The following NFIB variants were observed in gnomAD, a reference collection of about 807,000 sequenced individuals.
The protein encoded by NFIB is nuclear factor 1 B-type.
Under a neutral mutation model 61.5 loss-of-function variants are expected in NFIB, and 11 were observed. The ratio of observed to expected loss-of-function variants is 0.18; its 90% CI spans 0.11 to 0.30. The LOEUF (loss-of-function observed/expected upper bound fraction) is 0.30. NFIB is among the 10% of genes least tolerant of loss of function. The probability of loss-of-function intolerance (pLI) is 1.00; values close to 1 mark genes in which losing one functional copy is unlikely to be tolerated. For synonymous variants in NFIB, 260 were observed against 216.5 expected (o/e 1.20, Z -1.76); for missense variants, 471 against 608.9 (o/e 0.77, Z 2.38).
chr9:14,139,291 C>A (rs1030757116), intron 6 of NFIB, among the ~76,000 whole-genome samples: 7 of 152,144 alleles, frequency 4.6e-5, no homozygotes, highest in Non-Finnish European at 8.8e-5. Flanking sequence ...AATTTGTGAT[C>A]TGTACCTGAA....
At chr9:14,428,456 T>C in the NFIB span, among the ~76,000 whole-genome samples, 11 of 152,080 alleles carry the variant, frequency 7.2e-5, no homozygotes, top group African/African-American at 2.4e-4. Context: ...AGTTCCCTTA[T>C]GTTTTGGAGA....
chr9:14,438,415 G>T, the NFIB span, among the ~76,000 whole-genome samples: 1 of 152,096 alleles, frequency 6.6e-6, no homozygotes, highest in Admixed American at 6.5e-5. Context: ...AGAGAACAAC[G>T]CATTATTTTC....
chr9:14,120,058 T>G lies in NFIB; in HGVS notation c.1245+382A>C, dbSNP rs1300778736. On this transcript the variant is annotated intron_variant, in intron 8 of 10. Coordinates refer to ENST00000380953, the MANE Select transcript of NFIB (RefSeq NM_001190737.2). This position sits in a 1 kb window ranked among gnomAD's most constrained non-coding sequence, Gnocchi z 4.4. Reference sequence around the variant, plus strand: ...ATAAATACAACTGTAAGTTCTTTTGTGTGTGTTTATTTTAGCACATACCTT... The same window carrying G: ...ATAAATACAACTGTAAGTTCTTTTGGGTGTGTTTATTTTAGCACATACCTT... Among the ~76,000 whole-genome samples the G allele has an allele frequency of 1.3e-5, 2 of 152,190 alleles. No homozygotes were observed. Among genetic ancestry groups the G allele is most frequent in the Admixed American group, 6.5e-5 (1 of 15,276 alleles).
At chr9:14,376,161 A>C (rs1304258911) in intron 1 of NFIB, among the ~76,000 whole-genome samples, 2 of 152,206 alleles carry the variant, frequency 1.3e-5, no homozygotes, top group Non-Finnish European at 2.9e-5. Flanking sequence ...CCTGGGCTCA[A>C]GTGATCCTCC....
At chr9:14,340,861 A>T (rs1264882698) in intron 1 of NFIB, among the ~76,000 whole-genome samples, 1 of 152,198 alleles carries the variant, frequency 6.6e-6, no homozygotes, top group South Asian at 2.1e-4. Context: ...CTTAGTATAA[A>T]AACTGGCCTA....
chr9:14,405,870 G>A, the NFIB span, among the ~76,000 whole-genome samples: 1 of 152,144 alleles, frequency 6.6e-6, no homozygotes, highest in African/African-American at 2.4e-5. Context: ...ATATAAATCA[G>A]GCCTAAGAAC....
chr9:14,442,847 T>C, the NFIB span, among the ~76,000 whole-genome samples: 11 of 152,172 alleles, frequency 7.2e-5, no homozygotes, highest in African/African-American at 2.7e-4. Context: ...CTATTTTTAT[T>C]AGTAACAACG....
chr9:14,196,311 C>T (rs2048463306), intron 2 of NFIB, among the ~76,000 whole-genome samples: 1 of 152,144 alleles, frequency 6.6e-6, no homozygotes, highest in East Asian at 1.9e-4. Flanking sequence ...CACTCTAGAA[C>T]TTTGAAAATC....
intron 3 of NFIB, among the ~76,000 whole-genome samples, chr9:14,159,599 A>G (rs1587149293): frequency 6.6e-6 from 1 of 152,342 alleles, no homozygotes; most frequent in East Asian, 1.9e-4. Context: ...TAGCCTTTGT[A>G]ACGGACAGGC....
Position 14,295,518 on chromosome 9 carries a change from C to T in NFIB, c.562+11471G>A, listed in dbSNP as rs2132589817. Among the ~76,000 whole-genome samples, 3 of 152,172 alleles carry T rather than the reference C, an allele frequency of 2.0e-5. 1 individual carries two copies. In the South Asian group the frequency reaches 6.2e-4, roughly 32 times the overall value. On this transcript the variant is annotated intron_variant, in intron 2 of 10. Transcript: ENST00000380953. Reference sequence around the variant, plus strand: ...TGGGGAAGGGCGCCTGTAGTCCCAGCTACTCGGCAAGCTGAGGCAGGAGAA... The same window carrying T: ...TGGGGAAGGGCGCCTGTAGTCCCAGTTACTCGGCAAGCTGAGGCAGGAGAA...
At chr9:14,491,473 G>C in the NFIB span, among the ~76,000 whole-genome samples, 1 of 152,156 alleles carries the variant, frequency 6.6e-6, no homozygotes, top group African/African-American at 2.4e-5. Flanking sequence ...CCATTCTGGG[G>C]CAGAGAATGT....
intron 2 of NFIB, among the ~76,000 whole-genome samples, chr9:14,217,663 A>T (rs1279551510): frequency 1.3e-4 from 2 of 15,528 alleles, no homozygotes; most frequent in African/African-American, 5.3e-4. Flanking sequence ...TCCATCTCAA[A>T]AAAAAAAAAA....
intron 2 of NFIB, among the ~76,000 whole-genome samples, chr9:14,286,936 T>C (rs2058743144): frequency 6.6e-6 from 1 of 152,226 alleles, no homozygotes; most frequent in Admixed American, 6.5e-5. Context: ...AAACCCACTG[T>C]ATATCACCTT....
At chr9:14,495,069 T>C in the NFIB span, among the ~76,000 whole-genome samples, 3 of 152,238 alleles carry the variant, frequency 2.0e-5, no homozygotes, top group Non-Finnish European at 1.5e-5. Flanking sequence ...GGCATTGATG[T>C]AGTGCCTTTC....
chr9:14,158,716 G>T (rs1458976491), intron 3 of NFIB, among the ~76,000 whole-genome samples: 1 of 152,186 alleles, frequency 6.6e-6, no homozygotes, highest in East Asian at 1.9e-4. Flanking sequence ...ACTAACCTCT[G>T]TTATTCCCTA....
At position 14,313,416 on chromosome 9, in the gene NFIB, C is replaced by CA; in HGVS notation, c.30+65dup. 6.2e-7 allele frequency: 1 copy of CA among 1,609,784 alleles called. No individual in the cohort carries two copies. Among genetic ancestry groups the CA allele is most frequent in the Non-Finnish European group, 8.5e-7 (1 of 1,177,184 alleles). On this transcript the variant is annotated intron_variant, in intron 1 of 10. Transcript: ENST00000380953. The surrounding 1 kb of genome is among the most constrained non-coding windows in gnomAD (Gnocchi z 4.5). ...GTTAACTCAAGCCGCTAATTGTCCG[C>CA]AACAAAACAAAACAAAGGCATTTCG...
chr9:14,424,090 T>G, the NFIB span, among the ~76,000 whole-genome samples: 1 of 152,192 alleles, frequency 6.6e-6, no homozygotes, highest in African/African-American at 2.4e-5. Flanking sequence ...TCTCTCCAAC[T>G]GTCTAACCCC....
At chr9:14,309,221 T>C (rs564295129) in intron 1 of NFIB, among the ~76,000 whole-genome samples, 22 of 152,184 alleles carry the variant, frequency 1.4e-4, no homozygotes, top group Non-Finnish European at 2.5e-4. Context: ...TAATGACTCT[T>C]TAACAAAGAA....
At chr9:14,299,784 A>C (rs1314081254) in intron 2 of NFIB, among the ~76,000 whole-genome samples, 1 of 152,214 alleles carries the variant, frequency 6.6e-6, no homozygotes, top group East Asian at 1.9e-4. Context: ...ATGTGTATCT[A>C]AGTGTTTTAC....
Sources: gnomAD v4.1 joint callset for allele counts (sites outside exome capture counted in the v4.1 genomes callset) on GRCh38, gnomAD v4.1.1 for gene constraint, Gnocchi (gnomAD v3.1) non-coding constraint, MANE v1.5 for transcripts, NCBI Gene and HGNC (gene_info 2026-07-23, HGNC 2026-07-21) for gene names.